Variants in ZNF267 observed in about 807,000 individuals in gnomAD.
ZNF267 encodes zinc finger protein 267.
A neutral mutation model predicts 71.6 loss-of-function variants in ZNF267; 61 were observed. The observed-to-expected ratio is 0.85, with a 90% CI of 0.69 to 1.05. ZNF267 has a LOEUF of 1.05. Ranked by LOEUF, ZNF267 falls within the 50% of genes least tolerant of loss-of-function variation. The pLI is 0.00. For synonymous variants in ZNF267, 288 were observed against 293.2 expected, an observed-to-expected ratio of 0.98 and a Z score of 0.18; for missense variants, 852 against 870.0, an observed-to-expected ratio of 0.98 and a Z score of 0.26.
intron 3 of ZNF267, among the ~76,000 whole-genome samples, chr16:31,905,545 A>G (rs939765067): frequency 1.3e-5 from 2 of 152,070 alleles, no homozygotes; most frequent in Non-Finnish European, 2.9e-5. Context: ...TTCATCTTCC[A>G]TCACTGGTAC....
intron 3 of ZNF267, among the ~76,000 whole-genome samples, chr16:31,909,247 G>A (rs1223830): frequency 1.6e-4 from 23 of 143,812 alleles, no homozygotes; most frequent in African/African-American, 5.1e-4. Context: ...TTCTCCTGCC[G>A]CAGCCTCCCA....
intron 3 of ZNF267, among the ~76,000 whole-genome samples, chr16:31,903,168 G>A (rs899833309): frequency 1.1e-4 from 16 of 152,184 alleles, no homozygotes; most frequent in Non-Finnish European, 1.8e-4. Flanking sequence ...GGTTTTTGAT[G>A]TGTTGCTGGA....
chr16:31,915,635 A>G lies in ZNF267; in HGVS notation c.1386A>G (p.Lys462=). ...ATCAGACAACTCATACAGGAGAAAAACTTTACAAATGTAAAGTATGTAGCA... is the reference window on the plus strand; with the variant it reads ...ATCAGACAACTCATACAGGAGAAAAGCTTTACAAATGTAAAGTATGTAGCA... ...TQHQTTHTGE[K]LYKCKVCSKS... Residue 462 remains lysine (K), a synonymous_variant, in exon 4 of 4, where the codon AAA becomes AAG. Transcript: ENST00000300870. The G allele has an allele frequency of 6.2e-7, 1 of 1,613,826 alleles. No homozygotes were observed.
chr16:31,873,883 A>C lies in ZNF267; in HGVS notation c.-84A>C. On this transcript the variant is annotated 5_prime_UTR_variant, in exon 1 of 4. Coordinates refer to ENST00000300870, the MANE Select transcript of ZNF267 (RefSeq NM_003414.6). ...GCCCAGGCGGCTTCGCGTTCTGAGA[A>C]TAAACAGAACCTCTGTTGCTCTGCG... is the stretch of plus-strand genomic sequence containing the variant. 1 of 1,598,004 alleles carries C rather than the reference A, an allele frequency of 6.3e-7. No homozygotes were observed. The highest frequency in any genetic ancestry group is 8.6e-7 in the Non-Finnish European group (1 of 1,165,522).
chr16:31,906,490 C>A (rs1310674848), intron 3 of ZNF267, among the ~76,000 whole-genome samples: 2 of 152,212 alleles, frequency 1.3e-5, no homozygotes, highest in Admixed American at 1.3e-4. Flanking sequence ...GCACCCTTCC[C>A]CCAGCCTTGC....
At chr16:31,899,601 C>T (rs1217308527) in intron 3 of ZNF267, among the ~76,000 whole-genome samples, 1 of 151,902 alleles carries the variant, frequency 6.6e-6, no homozygotes, top group African/African-American at 2.4e-5. Context: ...AAAGCGACAC[C>T]CTAACATCAC....
At chr16:31,903,541 T>C (rs747394500) in intron 3 of ZNF267, among the ~76,000 whole-genome samples, 6 of 152,242 alleles carry the variant, frequency 3.9e-5, no homozygotes, top group Non-Finnish European at 8.8e-5. Flanking sequence ...GAGGAACTTA[T>C]CGATTTCTTC....
At chr16:31,884,461 G>C (rs777522123) in intron 1 of ZNF267, 37 bp from the exon 2 acceptor site, 2 of 1,613,320 alleles carry the variant, frequency 1.2e-6, no homozygotes, top group Non-Finnish European at 1.7e-6. Flanking sequence ...ACTCTGCCAT[G>C]GCCACATGGT....
At chr16:31,883,506 T>C (rs1191317496) in intron 1 of ZNF267, among the ~76,000 whole-genome samples, 1 of 152,230 alleles carries the variant, frequency 6.6e-6, no homozygotes, top group Non-Finnish European at 1.5e-5. Context: ...TCTCTGAACA[T>C]TCTGTTAAGG....
chr16:31,881,004 T>C (rs1163708007), intron 1 of ZNF267, among the ~76,000 whole-genome samples: 1 of 152,210 alleles, frequency 6.6e-6, no homozygotes. Flanking sequence ...ACTGCCCTTA[T>C]GTTGACGTTG....
At chr16:31,875,678 A>G (rs561518608) in intron 1 of ZNF267, among the ~76,000 whole-genome samples, 37 of 152,256 alleles carry the variant, frequency 2.4e-4, no homozygotes, top group African/African-American at 8.9e-4. Flanking sequence ...GGGGTAGGAG[A>G]ATGTCTCAAA....
intron 3 of ZNF267, among the ~76,000 whole-genome samples, chr16:31,891,536 G>T (rs1032947269): frequency 4.6e-5 from 7 of 152,204 alleles, no homozygotes; most frequent in Non-Finnish European, 7.3e-5. Context: ...CCCACATGCT[G>T]TGGGAGGGAC....
intron 3 of ZNF267, among the ~76,000 whole-genome samples, chr16:31,889,753 A>T (rs547649006): frequency 6.6e-6 from 1 of 152,310 alleles, no homozygotes; most frequent in Non-Finnish European, 1.5e-5. Flanking sequence ...ACACTTTTAA[A>T]CAACCAGATC....
chr16:31,894,692 G>C (rs138203517), intron 3 of ZNF267: 1 of 477,924 alleles, frequency 2.1e-6, no homozygotes, highest in African/African-American at 2.0e-5. Flanking sequence ...CTGAGATACC[G>C]CTCATGCCTG....
chr16:31,884,362 C>T (rs1264848557), intron 1 of ZNF267, 136 bp from the exon 2 acceptor site: 3 of 1,053,286 alleles, frequency 2.8e-6, no homozygotes, highest in Non-Finnish European at 2.7e-6. Flanking sequence ...GAAAATATTA[C>T]TGTGTTAAAA....
chr16:31,896,247 A>G (rs1361153234), intron 3 of ZNF267, among the ~76,000 whole-genome samples: 1 of 152,116 alleles, frequency 6.6e-6, no homozygotes, highest in Non-Finnish European at 1.5e-5. Flanking sequence ...CCTGACCTCA[A>G]ATGATTCTCC....
At chr16:31,890,831 C>A (rs1182710172) in intron 3 of ZNF267, among the ~76,000 whole-genome samples, 1 of 152,194 alleles carries the variant, frequency 6.6e-6, no homozygotes, top group Non-Finnish European at 1.5e-5. Context: ...GGCCTAACCA[C>A]TTCTTAAAGA....
intron 3 of ZNF267, among the ~76,000 whole-genome samples, chr16:31,905,146 A>G (rs1444896267): frequency 4.6e-5 from 7 of 152,294 alleles, no homozygotes; most frequent in Admixed American, 1.3e-4. Flanking sequence ...AGTTTCTGCC[A>G]AGAGATCAGC....
At chr16:31,901,660 ATTTG>A (rs2084042524) in intron 3 of ZNF267, among the ~76,000 whole-genome samples, 1 of 151,998 alleles carries the variant, frequency 6.6e-6, no homozygotes, top group Non-Finnish European at 1.5e-5. Flanking sequence ...TTTCTTGTAA[ATTTG>A]TTTGAGTTCA....
Sources: allele counts gnomAD v4.1 joint callset (sites outside exome capture counted in the v4.1 genomes callset), GRCh38; gene constraint gnomAD v4.1.1; transcripts MANE v1.5; gene names NCBI Gene and HGNC (gene_info 2026-07-23, HGNC 2026-07-21).